The following LDLRAD4 variants were observed in gnomAD, a reference collection of about 807,000 sequenced individuals.
LDLRAD4 encodes the protein low-density lipoprotein receptor class A domain-containing protein 4.
A neutral mutation model predicts 17.0 loss-of-function variants in LDLRAD4; 5 were observed. The observed-to-expected ratio is 0.29, with a 90% CI of 0.15 to 0.62. LDLRAD4 has a LOEUF of 0.62. LDLRAD4 is among the 20% of genes least tolerant of loss of function. The probability of loss-of-function intolerance (pLI) is 0.84; values close to 1 mark genes in which losing one functional copy is unlikely to be tolerated. For missense variants in LDLRAD4, 340 were observed against 424.7 expected (o/e 0.80, Z 1.75); for synonymous variants, 168 against 171.8 (o/e 0.98, Z 0.17).
chr18:13,400,362 C>T (rs1378092053), intron 2 of LDLRAD4, among the ~76,000 whole-genome samples: 2 of 152,254 alleles, frequency 1.3e-5, no homozygotes, highest in South Asian at 2.1e-4. Flanking sequence ...TTTTAAGATC[C>T]TGGAGGCCTA....
rs531418915 is a variant in LDLRAD4, at chr18:13,541,152, G to A, written c.182-79965G>A. Among the ~76,000 whole-genome samples, 5 of 152,354 alleles carry A rather than the reference G, an allele frequency of 3.3e-5. No homozygotes were observed. In the South Asian group the frequency reaches 1.0e-3, roughly 32 times the overall value. On this transcript the variant is annotated intron_variant, in intron 3 of 5. Coordinates refer to ENST00000359446, the Ensembl canonical transcript of LDLRAD4. Reference sequence around the variant, plus strand: ...TCTCACCGGGGTATAAATTGGTGCTGCCATTTTGGAAGACATTGGAGGAAA... The same window carrying A: ...TCTCACCGGGGTATAAATTGGTGCTACCATTTTGGAAGACATTGGAGGAAA...
chr18:13,293,295 C>A (rs1184802663), intron 1 of LDLRAD4, among the ~76,000 whole-genome samples: 1 of 152,160 alleles, frequency 6.6e-6, no homozygotes, highest in Non-Finnish European at 1.5e-5. Context: ...TGACGTTTTG[C>A]CACATAGACG....
At chr18:13,273,165 C>A (rs374730069), upstream of LDLRAD4, among the ~76,000 whole-genome samples, 29 of 152,250 alleles carry the variant, frequency 1.9e-4, 1 homozygote, top group East Asian at 4.8e-3. Flanking sequence ...CTGAAAAAAA[C>A]ATCATAAAGC....
intron 1 of LDLRAD4, among the ~76,000 whole-genome samples, chr18:13,363,229 G>A (rs1410749462): frequency 6.6e-6 from 1 of 152,014 alleles, no homozygotes; most frequent in Admixed American, 6.6e-5. Flanking sequence ...CTACGTGGGA[G>A]GCTGAGGCAG....
chr18:13,412,595 G>C (rs1486435567), intron 2 of LDLRAD4, among the ~76,000 whole-genome samples: 1 of 152,178 alleles, frequency 6.6e-6, no homozygotes, highest in Non-Finnish European at 1.5e-5. Flanking sequence ...TGAAGGTTCA[G>C]ACAGGGTCCC....
intron 1 of LDLRAD4, among the ~76,000 whole-genome samples, chr18:13,338,765 G>C (rs1051015848): frequency 6.6e-6 from 1 of 152,114 alleles, no homozygotes; most frequent in Non-Finnish European, 1.5e-5. Context: ...ATTCTGGCTC[G>C]TGTGTTTTTT....
In LDLRAD4 at chr18:13,300,609, G is replaced by A. The variant is rs896093296; in HGVS notation, c.-383+22421G>A. 2.6e-5 allele frequency among the ~76,000 whole-genome samples: 4 copies of A among 152,318 alleles called. No individual in the cohort carries two copies. The South Asian group carries it at 8.3e-4, about 32-fold the overall frequency. ...GTGGGTGTGTGAGAATTGGCTGTGAGATGAGTGACAGCAGGATGAAGGAAT... is the reference window on the plus strand; with the variant it reads ...GTGGGTGTGTGAGAATTGGCTGTGAAATGAGTGACAGCAGGATGAAGGAAT... On this transcript the variant is annotated intron_variant, in intron 1 of 5. Coordinates refer to ENST00000359446, the Ensembl canonical transcript of LDLRAD4. The surrounding 1 kb of genome is among the most constrained non-coding windows in gnomAD (Gnocchi z 4.2).
intron 1 of LDLRAD4, among the ~76,000 whole-genome samples, chr18:13,284,682 C>T (rs1301755052): frequency 1.3e-5 from 2 of 152,202 alleles, no homozygotes; most frequent in Non-Finnish European, 2.9e-5. Context: ...AGGATTTGGT[C>T]TCCCTGTGTG....
chr18:13,250,949 T>G (rs375455164), intron 1 of LDLRAD4, among the ~76,000 whole-genome samples: 1 of 152,182 alleles, frequency 6.6e-6, no homozygotes, highest in Non-Finnish European at 1.5e-5. Flanking sequence ...GTCAATATTC[T>G]TGATGAATAT....
chr18:13,310,345 ACT>A (rs2047163854), intron 1 of LDLRAD4, among the ~76,000 whole-genome samples: 1 of 150,464 alleles, frequency 6.6e-6, no homozygotes, highest in Non-Finnish European at 1.5e-5. Flanking sequence ...ACAGAGTGAG[ACT>A]CTGTCTCTTA....
chr18:13,594,520 G>T (rs2095067387), intron 3 of LDLRAD4, among the ~76,000 whole-genome samples: 1 of 151,784 alleles, frequency 6.6e-6, no homozygotes, highest in African/African-American at 2.4e-5. Context: ...ATAAAAATTA[G>T]CAGGGCATGG....
intron 1 of LDLRAD4, among the ~76,000 whole-genome samples, chr18:13,313,338 G>C (rs566063214): frequency 6.6e-6 from 1 of 152,148 alleles, no homozygotes; most frequent in Admixed American, 6.5e-5. Flanking sequence ...CCCTAGCTCT[G>C]ACTGCAAGAA....
At chr18:13,374,368 T>G (rs990485046) in intron 1 of LDLRAD4, among the ~76,000 whole-genome samples, 1 of 152,168 alleles carries the variant, frequency 6.6e-6, no homozygotes, top group African/African-American at 2.4e-5. Flanking sequence ...TGTCTGTCCA[T>G]TGTTGGTCTG....
chr18:13,349,701 G>A (rs368647031), intron 1 of LDLRAD4, among the ~76,000 whole-genome samples: 1 of 152,046 alleles, frequency 6.6e-6, no homozygotes. Context: ...GTGCCATAGC[G>A]GTTTGCTGCA....
intron 1 of LDLRAD4, among the ~76,000 whole-genome samples, chr18:13,303,986 A>T (rs2046761094): frequency 6.6e-6 from 1 of 152,212 alleles, no homozygotes; most frequent in Non-Finnish European, 1.5e-5. Context: ...GTCACCAGGA[A>T]GTCATTTCTG....
intron 1 of LDLRAD4, among the ~76,000 whole-genome samples, chr18:13,344,485 G>A (rs979401366): frequency 1.3e-5 from 2 of 151,002 alleles, no homozygotes; most frequent in Admixed American, 1.3e-4. Context: ...GGTTACTGTA[G>A]CTTTGTAGTA....
chr18:13,221,173 C>T (rs974813365), intron 1 of LDLRAD4, among the ~76,000 whole-genome samples: 17 of 152,116 alleles, frequency 1.1e-4, no homozygotes, highest in Admixed American at 2.0e-4. Flanking sequence ...AAAAGAAGAG[C>T]GCACCATATT....
intron 3 of LDLRAD4, among the ~76,000 whole-genome samples, chr18:13,485,142 T>C (rs1442447806): frequency 6.6e-6 from 1 of 152,216 alleles, no homozygotes; most frequent in Non-Finnish European, 1.5e-5. Flanking sequence ...GTGTCGGAGC[T>C]CCTGCCTTCC....
chr18:13,643,667 C>G (rs1433555442), intron 5 of LDLRAD4, among the ~76,000 whole-genome samples: 2 of 152,168 alleles, frequency 1.3e-5, no homozygotes, highest in South Asian at 4.1e-4. Flanking sequence ...TACATGATCC[C>G]GTAAGCTTCT....
Sources: gnomAD v4.1 joint callset for allele counts (sites outside exome capture counted in the v4.1 genomes callset) on GRCh38, gnomAD v4.1.1 for gene constraint, Gnocchi (gnomAD v3.1) non-coding constraint, MANE v1.5 for transcripts, NCBI Gene and HGNC (gene_info 2026-07-23, HGNC 2026-07-21) for gene names.